Variants in PSD3 observed in about 807,000 individuals in gnomAD.
PSD3 encodes pleckstrin and Sec7 domain containing 3.
PSD3 carries 49 observed loss-of-function variants against 105.5 expected under a neutral mutation model. That is an observed-to-expected ratio of 0.46 (90% CI 0.37 to 0.59). The LOEUF is 0.59. PSD3 is among the 20% of genes least tolerant of loss of function. PSD3 has a pLI of 0.00. For missense variants in PSD3, 1,561 were observed against 1,263.8 expected (o/e 1.24, Z -3.57); for synonymous variants, 557 against 457.8 (o/e 1.22, Z -2.77).
chr8:18,650,135 A>G lies in PSD3; in HGVS notation c.2216+5507T>C, dbSNP rs138204753. Among the ~76,000 whole-genome samples the G allele has an allele frequency of 5.7e-3, 861 of 152,246 alleles. 9 individuals carry two copies. Among genetic ancestry groups the G allele is most frequent in the African/African-American group, 0.019 (798 of 41,534 alleles). ...CAAAGGATGAAAGAGAGGAACATTA[A>G]TTTTCCTAATAGACAATACTGAACT... On this transcript the variant is annotated intron_variant, in intron 10 of 15. Transcript: ENST00000327040.
chr8:18,667,614 C>T (rs1799546765), intron 9 of PSD3, among the ~76,000 whole-genome samples: 1 of 152,232 alleles, frequency 6.6e-6, no homozygotes, highest in Non-Finnish European at 1.5e-5. Flanking sequence ...GCCCAGCTGG[C>T]TTCACCCAGT....
At chr8:18,998,702 C>CA (rs1563497819) in intron 1 of PSD3, among the ~76,000 whole-genome samples, 1 of 151,634 alleles carries the variant, frequency 6.6e-6, no homozygotes, top group Non-Finnish European at 1.5e-5. Flanking sequence ...AAACAAAAAA[C>CA]AAAAAAATGG....
chr8:19,059,098 G>A (rs1319193478), intron 1 of PSD3, among the ~76,000 whole-genome samples: 3 of 152,174 alleles, frequency 2.0e-5, no homozygotes, highest in East Asian at 3.8e-4. Context: ...AATTCCTTAT[G>A]CCATCCACAC....
chr8:18,942,699 A>G (rs1279140836), intron 1 of PSD3, among the ~76,000 whole-genome samples: 4 of 152,224 alleles, frequency 2.6e-5, no homozygotes, highest in African/African-American at 9.6e-5. Flanking sequence ...GCCATCTGCA[A>G]GACAAAGAGA....
upstream of PSD3, among the ~76,000 whole-genome samples, chr8:19,016,697 A>G (rs1409333467): frequency 6.6e-6 from 1 of 152,224 alleles, no homozygotes; most frequent in African/African-American, 2.4e-5. Context: ...CTAGGTAATT[A>G]ATAAAGAAAA....
At chr8:18,947,924 A>G (rs1337588101) in intron 1 of PSD3, among the ~76,000 whole-genome samples, 1 of 152,216 alleles carries the variant, frequency 6.6e-6, no homozygotes, top group African/African-American at 2.4e-5. Context: ...AGTAGGATAG[A>G]GGGATCAAGT....
chr8:18,712,476 A>G (rs545621023), intron 9 of PSD3, among the ~76,000 whole-genome samples: 1 of 152,364 alleles, frequency 6.6e-6, no homozygotes, highest in South Asian at 2.1e-4. Flanking sequence ...CAACCATCAG[A>G]GAATACCATA....
In PSD3 at chr8:18,655,819, A is replaced by G. The variant is rs530215150; in HGVS notation, c.2173-134T>C. On this transcript the variant is annotated intron_variant, in intron 9 of 15. Coordinates refer to ENST00000327040, the MANE Select transcript of PSD3 (RefSeq NM_015310.4). ...CCTTGTCAGTCACCTTGCTTTTAGA[A>G]AGGTGAAGAATACATGGGGAGGCAA... 1.1e-5 allele frequency: 8 copies of G among 758,530 alleles called. No homozygotes were observed. In the East Asian group the frequency reaches 1.8e-4, roughly 17 times the overall value. 47.0% of individuals were successfully genotyped at this position (758,530 alleles called of 1,614,324 possible).
At chr8:18,645,443 T>A (rs1053521781) in intron 10 of PSD3, among the ~76,000 whole-genome samples, 1 of 152,244 alleles carries the variant, frequency 6.6e-6, no homozygotes, top group Non-Finnish European at 1.5e-5. Context: ...CAATTTTTCA[T>A]AACTATGGCA....
intron 2 of PSD3, among the ~76,000 whole-genome samples, chr8:18,906,711 A>T (rs1248528652): frequency 1.1e-4 from 17 of 152,232 alleles, no homozygotes; most frequent in Non-Finnish European, 1.5e-5. Context: ...GTCTATTTAA[A>T]ACTCAGATTT....
intron 1 of PSD3, among the ~76,000 whole-genome samples, chr8:18,992,919 AC>A (rs904227560): frequency 5.9e-5 from 9 of 152,180 alleles, no homozygotes; most frequent in Non-Finnish European, 1.2e-4. Context: ...AATTGACAAA[AC>A]AACTCAATAA....
intron 10 of PSD3, among the ~76,000 whole-genome samples, chr8:18,638,816 T>C (rs1019593515): frequency 6.6e-6 from 1 of 152,176 alleles, no homozygotes; most frequent in African/African-American, 2.4e-5. Flanking sequence ...GCTGGAGGCA[T>C]AGTTTTTTGA....
intron 12 of PSD3, among the ~76,000 whole-genome samples, chr8:18,581,058 A>G (rs1260390858): frequency 1.3e-5 from 2 of 152,308 alleles, no homozygotes; most frequent in Non-Finnish European, 2.9e-5. Flanking sequence ...AGAAACTGAG[A>G]GAGAAACTCT....
chr8:18,664,714 G>C (rs1332114132), intron 9 of PSD3, among the ~76,000 whole-genome samples: 1 of 152,210 alleles, frequency 6.6e-6, no homozygotes, highest in African/African-American at 2.4e-5. Flanking sequence ...GACTTTGATA[G>C]CTAGGGAGAA....
Position 18,799,297 on chromosome 8 carries a change from G to A in PSD3, c.2080C>T (p.His694Tyr), listed in dbSNP as rs772045895. 3.7e-6 allele frequency: 6 copies of A among 1,601,102 alleles called. No homozygotes were observed. The highest frequency in any genetic ancestry group is 3.3e-5 in the South Asian group (3 of 90,808). Residue 694 changes from histidine to tyrosine, a missense_variant and splice_region_variant, in exon 8 of 16, where the codon CAC becomes TAC. Physicochemically the swap from His to Tyr is moderately conservative, Grantham distance 83. Coordinates refer to ENST00000327040, the MANE Select transcript of PSD3 (RefSeq NM_015310.4). ...IMLLNTDLHG[H>Y]NIGKKMTCQE... ...AAGTTTCACAAATCCACACTTACGT[G>A]GCCATGTAGATCGGTATTAAGAAGC...
At chr8:18,973,549 A>G (rs1824768514) in intron 1 of PSD3, among the ~76,000 whole-genome samples, 1 of 152,056 alleles carries the variant, frequency 6.6e-6, no homozygotes, top group Admixed American at 6.6e-5. Context: ...CATCCTTATG[A>G]CCCCATTTAA....
intron 1 of PSD3, among the ~76,000 whole-genome samples, chr8:19,079,403 T>A (rs1160552870): frequency 1.3e-5 from 2 of 152,196 alleles, no homozygotes; most frequent in South Asian, 4.1e-4. Context: ...TATGTGAGCA[T>A]TTGTGCATGC....
At chr8:19,075,203 C>G (rs1000481603) in intron 1 of PSD3, among the ~76,000 whole-genome samples, 19 of 152,304 alleles carry the variant, frequency 1.2e-4, no homozygotes, top group African/African-American at 4.1e-4. Context: ...CCACCTCGGC[C>G]TCCCAAAGTG....
intron 9 of PSD3, among the ~76,000 whole-genome samples, chr8:18,695,061 G>C (rs1299858657): frequency 6.6e-6 from 1 of 152,044 alleles, no homozygotes; most frequent in African/African-American, 2.4e-5. Flanking sequence ...AATTCTCTAG[G>C]GGTAAAACTA....
Sources: allele counts gnomAD v4.1 joint callset (sites outside exome capture counted in the v4.1 genomes callset), GRCh38; gene constraint gnomAD v4.1.1; transcripts MANE v1.5; gene names NCBI Gene and HGNC (gene_info 2026-07-23, HGNC 2026-07-21).